RBM19: variants seen among roughly 807,000 people sequenced by gnomAD.
RBM19 encodes probable RNA-binding protein 19.
Under a neutral mutation model 116.8 loss-of-function variants are expected in RBM19, and 94 were observed. The ratio of observed to expected loss-of-function variants is 0.80; its 90% CI spans 0.68 to 0.95. RBM19 has a LOEUF of 0.95. Among genes scored for constraint, RBM19 ranks in the 40% least tolerant of loss-of-function variants. The pLI, the probability that RBM19 is intolerant of heterozygous loss-of-function variation, is 0.00. For synonymous variants in RBM19, 475 were observed against 494.1 expected (o/e 0.96, Z 0.51); for missense variants, 1,161 against 1,220.7 (o/e 0.95, Z 0.73).
intron 11 of RBM19, 70 bp downstream of exon 11, chr12:113,947,264 A>G: frequency 1.3e-6 from 2 of 1,516,278 alleles, no homozygotes; most frequent in Non-Finnish European, 1.8e-6. Context: ...ACATACACAC[A>G]CACACACACC....
intron 21 of RBM19, among the ~76,000 whole-genome samples, chr12:113,908,862 C>T (rs1124665): frequency 0.068 from 10,408 of 152,266 alleles, 752 homozygotes; most frequent in East Asian, 0.39. Flanking sequence ...TGGGTATGCA[C>T]TCCACAAACA....
At chr12:113,827,031 C>G (rs962608059) in intron 23 of RBM19, among the ~76,000 whole-genome samples, 5 of 152,212 alleles carry the variant, frequency 3.3e-5, no homozygotes, top group Non-Finnish European at 5.9e-5. Context: ...CGAGTTCCCA[C>G]CGAATGACAC....
At chr12:113,877,104 G>A (rs1332093350) in intron 21 of RBM19, among the ~76,000 whole-genome samples, 7 of 152,332 alleles carry the variant, frequency 4.6e-5, no homozygotes, top group African/African-American at 1.7e-4. Context: ...ACAAGGATGC[G>A]TGGCTTGTCT....
chr12:113,899,242 A>G (rs746953753), intron 21 of RBM19, among the ~76,000 whole-genome samples: 8 of 152,228 alleles, frequency 5.3e-5, no homozygotes, highest in African/African-American at 7.2e-5. Context: ...GCACACAGCT[A>G]GTTAGCAGCA....
At chr12:113,913,139 G>C (rs1264507631) in intron 21 of RBM19, among the ~76,000 whole-genome samples, 1 of 152,066 alleles carries the variant, frequency 6.6e-6, no homozygotes, top group Admixed American at 6.6e-5. Flanking sequence ...TTGTTTCCCC[G>C]GATAAGTGTC....
rs1028835757 is a variant in RBM19, at chr12:113,862,330, G to A, written c.2559-3434C>T. On this transcript the variant is annotated intron_variant, in intron 21 of 23. Coordinates refer to ENST00000261741, the MANE Select transcript of RBM19 (RefSeq NM_016196.4). The stretch of plus-strand genomic sequence containing the variant: ...TCGAGGCGAGATCTTTCTCATCCGG[G>A]CTGCTTCTCCCAGCCCAAGAACAAA... Among the ~76,000 whole-genome samples, 7 of 152,304 alleles carry A rather than the reference G, an allele frequency of 4.6e-5. 1 individual carries two copies. In the South Asian group the frequency reaches 1.5e-3, roughly 32 times the overall value.
intron 9 of RBM19, 54 bp downstream of exon 9, chr12:113,950,029 A>G: frequency 6.9e-7 from 1 of 1,445,320 alleles, no homozygotes; most frequent in African/African-American, 1.4e-5. Flanking sequence ...AAGGAAATGA[A>G]GGAACGAAGG....
Position 113,960,055 on chromosome 12 carries a change from A to C in RBM19, c.339+4T>G, listed in dbSNP as rs1038893937. Reference sequence around the variant, plus strand: ...GACAGAGGCTAGAGTGACCCTTTACATACTTTCTTAATTTCTGGAGTAGTA... The same window carrying C: ...GACAGAGGCTAGAGTGACCCTTTACCTACTTTCTTAATTTCTGGAGTAGTA... On this transcript the variant is annotated splice_donor_region_variant and intron_variant, in intron 3 of 23. Coordinates refer to ENST00000261741, the MANE Select transcript of RBM19 (RefSeq NM_016196.4). 6.2e-7 allele frequency: 1 copy of C among 1,614,174 alleles called. No homozygotes were observed. Among genetic ancestry groups the C allele is most frequent in the Non-Finnish European group, 8.5e-7 (1 of 1,180,030 alleles).
Position 113,940,019 on chromosome 12 carries a change from C to T in RBM19, c.1879G>A (p.Val627Met), listed in dbSNP as rs757063191. 1.3e-5 allele frequency: 21 copies of T among 1,614,130 alleles called. No homozygotes were observed. The highest frequency in any genetic ancestry group is 8.9e-5 in the East Asian group (4 of 44,874). The change falls in exon 15 of 24, where the codon GTG becomes ATG. Residue 627 changes from valine to methionine, a missense_variant. Val to Met is a conservative substitution (Grantham distance 21, BLOSUM62 1). Transcript: ENST00000261741. Reference sequence around the variant, plus strand: ...GCCTCCAGGGGCTCCAGGAACTCCACGATGGCAGTGATTCCGCCCTCTGGC... The same window carrying T: ...GCCTCCAGGGGCTCCAGGAACTCCATGATGGCAGTGATTCCGCCCTCTGGC... ...LLPEGGITAI[V>M]EFLEPLEARK...
At chr12:113,908,552 A>G (rs12307196) in intron 21 of RBM19, among the ~76,000 whole-genome samples, 6 of 132,938 alleles carry the variant, frequency 4.5e-5, no homozygotes, top group African/African-American at 1.7e-4. Flanking sequence ...CAGGTGGTTC[A>G]CACCTCAAGG....
In RBM19 at chr12:113,945,766, C is replaced by T. The variant is rs1010567997; in HGVS notation, c.1626+62G>A. 7.4e-5 allele frequency: 103 copies of T among 1,391,170 alleles called. No homozygotes were observed. The East Asian group carries it at 2.3e-3, about 31-fold the overall frequency. 86.2% of individuals were successfully genotyped at this position (1,391,170 alleles called of 1,614,324 possible). A position where few individuals can be genotyped will look rare whatever the true frequency, so the allele number is the denominator to read the frequency against. ...AGCCAACAGCAGTACAACGAGCCTC[C>T]TGCTCTTTCTCCCCTTCAGTTTGGC... On this transcript the variant is annotated intron_variant, in intron 13 of 23. Coordinates refer to ENST00000261741, the MANE Select transcript of RBM19 (RefSeq NM_016196.4).
In RBM19 at chr12:113,937,048, G is replaced by A. The variant is rs1566027835; in HGVS notation, c.2027C>T (p.Pro676Leu). ...TGGGTCCTTTTCCATGGGTTCTGAA[G>A]GTGTGTCTTGGAGCTTTTTCTTCTG... ...APQKKKLQDT[P>L]SEPMEKDPAE... The change falls in exon 16 of 24, where the codon CCT (proline) becomes CTT (leucine). Residue 676 changes from proline to leucine, a missense_variant. By Grantham distance (98) the Pro-to-Leu change is moderately conservative (BLOSUM62 -3). Coordinates refer to ENST00000261741, the MANE Select transcript of RBM19 (RefSeq NM_016196.4). The A allele has an allele frequency of 6.2e-7, 1 of 1,614,030 alleles. No individual in the cohort carries two copies. The highest frequency in any genetic ancestry group is 8.5e-7 in the Non-Finnish European group (1 of 1,180,028).
At chr12:113,881,167 C>T (rs754586710) in intron 21 of RBM19, among the ~76,000 whole-genome samples, 2 of 152,122 alleles carry the variant, frequency 1.3e-5, no homozygotes, top group African/African-American at 2.4e-5. Context: ...CACCCAGCCC[C>T]GATAATGGCT....
At position 113,957,924 on chromosome 12, in the gene RBM19, G is replaced by C. The variant is rs1483375249; in HGVS notation, c.698C>G (p.Ala233Gly). ...SSEEEESEDE[A>G]VHCDEGSEAE... ...CTCACTCCCTTCATCACAGTGCACG[G>C]CTTCATCTTCACTTTCCTCTTCCTC... The change falls in exon 6 of 24, where the codon GCC becomes GGC. Residue 233 changes from alanine to glycine, a missense_variant. Physicochemically the swap from Ala to Gly is moderately conservative, Grantham distance 60. Transcript: ENST00000261741. 6.2e-7 allele frequency: 1 copy of C among 1,614,166 alleles called. No homozygotes were observed. Among genetic ancestry groups the C allele is most frequent in the African/African-American group, 1.3e-5 (1 of 75,030 alleles).
At chr12:113,858,211 G>A (rs1878061976) in intron 22 of RBM19, among the ~76,000 whole-genome samples, 1 of 152,254 alleles carries the variant, frequency 6.6e-6, no homozygotes, top group Non-Finnish European at 1.5e-5. Context: ...CCAATTTGGA[G>A]ATGCCGCCTT....
In RBM19 at chr12:113,936,383, G is replaced by A. The variant is rs113066620; in HGVS notation, c.2068+624C>T. On this transcript the variant is annotated intron_variant, in intron 16 of 23. Coordinates refer to ENST00000261741, the MANE Select transcript of RBM19 (RefSeq NM_016196.4). ...GCCCGCTGTGGGCATCTAGGAATGC[G>A]TGGGGGTGTTCCAGGTTGTCACAAG... is the stretch of plus-strand genomic sequence containing the variant. Among the ~76,000 whole-genome samples, 359 of 152,362 alleles carry A rather than the reference G, an allele frequency of 2.4e-3. 1 individual carries two copies. Among genetic ancestry groups the A allele is most frequent in the African/African-American group, 8.1e-3 (336 of 41,586 alleles).
At chr12:113,878,632 G>GACTGACAC (rs373824393) in intron 21 of RBM19, among the ~76,000 whole-genome samples, 1 of 137,830 alleles carries the variant, frequency 7.3e-6, no homozygotes, top group Non-Finnish European at 1.6e-5. Flanking sequence ...CATTCTCCCT[G>GACTGACAC]ACACACACAC....
At position 113,936,944 on chromosome 12, in the gene RBM19, C is replaced by T; in HGVS notation, c.2068+63G>A. On this transcript the variant is annotated intron_variant, in intron 16 of 23. Coordinates refer to ENST00000261741, the MANE Select transcript of RBM19 (RefSeq NM_016196.4). ...CTTGATAAGAAACTTCACGCTGCCCCCAACCCTCCTCCTTTCCCTCACCAG... is the reference window on the plus strand; with the variant it reads ...CTTGATAAGAAACTTCACGCTGCCCTCAACCCTCCTCCTTTCCCTCACCAG... The T allele has an allele frequency of 6.9e-6, 11 of 1,583,652 alleles. 1 individual carries two copies. The South Asian group carries it at 1.2e-4, about 17-fold the overall frequency.
At chr12:113,847,950 A>G (rs1877133228) in intron 22 of RBM19, among the ~76,000 whole-genome samples, 1 of 152,048 alleles carries the variant, frequency 6.6e-6, no homozygotes, top group Admixed American at 6.6e-5. Flanking sequence ...AGAGCTCTTC[A>G]TGGTAAGAGG....
Sources: gnomAD v4.1 joint callset for allele counts (sites outside exome capture counted in the v4.1 genomes callset) on GRCh38, gnomAD v4.1.1 for gene constraint, MANE v1.5 for transcripts, NCBI Gene and HGNC (gene_info 2026-07-23, HGNC 2026-07-21) for gene names.